Variants in KIAA1217 observed in about 807,000 individuals in gnomAD.
KIAA1217 encodes sickle tail protein homolog.
KIAA1217 carries 88 observed loss-of-function variants against 163.9 expected under a neutral mutation model. The ratio of observed to expected loss-of-function variants is 0.54; its 90% CI spans 0.45 to 0.64. The LOEUF is 0.64. Among genes scored for constraint, KIAA1217 ranks in the 30% least tolerant of loss-of-function variants. KIAA1217 has a pLI of 0.00. For missense variants in KIAA1217, 2,372 were observed against 2,475.0 expected (o/e 0.96, Z 0.88); for synonymous variants, 903 against 923.1 (o/e 0.98, Z 0.39).
At chr10:23,941,003 C>G (rs1843741915) in intron 1 of KIAA1217, among the ~76,000 whole-genome samples, 1 of 152,152 alleles carries the variant, frequency 6.6e-6, no homozygotes, top group African/African-American at 2.4e-5. Context: ...TTCCAAGTTT[C>G]TTGATAGAGC....
At chr10:24,273,601 A>C (rs1312285944) in intron 2 of KIAA1217, among the ~76,000 whole-genome samples, 2 of 152,046 alleles carry the variant, frequency 1.3e-5, no homozygotes, top group African/African-American at 4.8e-5. Context: ...CCTGTAATCC[A>C]AGCACTTTGG....
rs565675355 is a variant in KIAA1217, at chr10:24,138,833, C to T, written c.-170-80793C>T. ...TTTGTTTTGCTTTTTAACCATTTTA[C>T]AGTTTTATATCAAAGACTTCAGTGT... On this transcript the variant is annotated intron_variant, in intron 2 of 18. Transcript: ENST00000376462. 3.3e-5 allele frequency among the ~76,000 whole-genome samples: 5 copies of T among 152,262 alleles called. No individual in the cohort carries two copies. The South Asian group carries it at 1.0e-3, about 32-fold the overall frequency.
rs1243346131 is a variant in KIAA1217, at chr10:24,309,348, GCGCACACA to G, written c.355-71519_355-71512del. The stretch of plus-strand genomic sequence containing the variant: ...GACAAATAGGCGCGCGCACGCGCGC[GCGCACACA>G]CACACACACACACACACACACACGG... On this transcript the variant is annotated intron_variant, in intron 2 of 20. Coordinates refer to ENST00000376454, the MANE Select transcript of KIAA1217 (RefSeq NM_019590.5). Among the ~76,000 whole-genome samples the G allele has an allele frequency of 4.7e-4, 59 of 125,470 alleles. 1 individual carries two copies. The East Asian group carries it at 6.2e-3, about 13-fold the overall frequency. 82.3% of individuals were successfully genotyped at this position (125,470 alleles called of 152,430 possible). A position where few individuals can be genotyped will look rare whatever the true frequency, so the allele number is the denominator to read the frequency against.
intron 2 of KIAA1217, among the ~76,000 whole-genome samples, chr10:24,112,216 G>C (rs946583309): frequency 6.6e-6 from 1 of 152,154 alleles, no homozygotes; most frequent in Non-Finnish European, 1.5e-5. Context: ...ATCCTGAATA[G>C]TAGGGCATAT....
At chr10:24,304,385 T>C (rs1183215196) in intron 2 of KIAA1217, among the ~76,000 whole-genome samples, 2 of 152,204 alleles carry the variant, frequency 1.3e-5, no homozygotes, top group Admixed American at 1.3e-4. Context: ...AATGAGGCAG[T>C]GTCTCATTAT....
intron 2 of KIAA1217, among the ~76,000 whole-genome samples, chr10:24,262,031 A>C (rs964021461): frequency 6.6e-6 from 1 of 152,230 alleles, no homozygotes; most frequent in African/African-American, 2.4e-5. Flanking sequence ...TATCAGATCC[A>C]TATCACAGCT....
chr10:24,408,258 G>A (rs1355477589), intron 3 of KIAA1217, among the ~76,000 whole-genome samples: 36 of 152,116 alleles, frequency 2.4e-4, no homozygotes, highest in Admixed American at 2.4e-3. Context: ...TAAGTTGGGG[G>A]TATTTTTGTT....
chr10:24,369,948 T>C (rs541987281), intron 2 of KIAA1217, among the ~76,000 whole-genome samples: 5 of 152,336 alleles, frequency 3.3e-5, no homozygotes, highest in Admixed American at 2.6e-4. Flanking sequence ...TTAATTGTTG[T>C]ATTCAAGGCA....
At position 23,925,998 on chromosome 10, in the gene KIAA1217, G is replaced by A. The variant is rs113148389; in HGVS notation, c.-320-81227G>A. 5.4e-3 allele frequency among the ~76,000 whole-genome samples: 821 copies of A among 152,174 alleles called. 9 individuals carry two copies. Among genetic ancestry groups the A allele is most frequent in the African/African-American group, 0.019 (785 of 41,512 alleles). The stretch of plus-strand genomic sequence containing the variant: ...TTTCTCATACTGGATTTCAAAATGC[G>A]CATACTTACCCACACCCCATCACTG... On this transcript the variant is annotated intron_variant, in intron 1 of 18. Transcript: ENST00000376462.
intron 1 of KIAA1217, among the ~76,000 whole-genome samples, chr10:23,840,418 G>T (rs539702117): frequency 6.6e-6 from 1 of 152,126 alleles, no homozygotes; most frequent in Non-Finnish European, 1.5e-5. Flanking sequence ...GCCTCCTAAA[G>T]TGTTGGGATT....
chr10:23,905,063 C>CTTTTT (rs562938938), intron 1 of KIAA1217, among the ~76,000 whole-genome samples: 1 of 99,934 alleles, frequency 1.0e-5, no homozygotes, highest in Non-Finnish European at 2.0e-5. Context: ...TTCTCTTTTC[C>CTTTTT]TTTTTTTTTT....
intron 5 of KIAA1217, among the ~76,000 whole-genome samples, chr10:24,461,032 G>A (rs1465727675): frequency 2.0e-5 from 3 of 152,142 alleles, no homozygotes; most frequent in African/African-American, 7.2e-5. Context: ...GACAGACCAC[G>A]AATAAATGGC....
intron 1 of KIAA1217, among the ~76,000 whole-genome samples, chr10:23,955,007 G>GATAATA (rs943246922): frequency 6.6e-6 from 1 of 152,048 alleles, no homozygotes; most frequent in Non-Finnish European, 1.5e-5. Context: ...GTAAAAGGAA[G>GATAATA]ATAATAATAA....
intron 20 of KIAA1217, 132 bp downstream of exon 20, chr10:24,545,235 T>C: frequency 6.9e-7 from 1 of 1,459,276 alleles, no homozygotes; most frequent in Non-Finnish European, 9.1e-7. Flanking sequence ...TCTGGGGGCA[T>C]GAAGAAAGTC....
intron 3 of KIAA1217, among the ~76,000 whole-genome samples, chr10:24,388,332 G>T (rs1339371349): frequency 6.6e-6 from 1 of 152,178 alleles, no homozygotes; most frequent in Non-Finnish European, 1.5e-5. Context: ...TTAATAAATG[G>T]TGCCGGGAAA....
At chr10:23,743,885 G>A (rs566806187) in intron 1 of KIAA1217, among the ~76,000 whole-genome samples, 2 of 139,160 alleles carry the variant, frequency 1.4e-5, no homozygotes, top group African/African-American at 3.1e-5. Flanking sequence ...TTTGCGTGTT[G>A]TTTTAATTTT....
intron 1 of KIAA1217, among the ~76,000 whole-genome samples, chr10:23,926,065 A>C (rs1257247609): frequency 6.6e-6 from 1 of 152,132 alleles, no homozygotes; most frequent in African/African-American, 2.4e-5. Flanking sequence ...TGAGGCAGAG[A>C]CTGCACCTGG....
At chr10:24,083,502 T>G (rs2061601271) in intron 2 of KIAA1217, among the ~76,000 whole-genome samples, 1 of 152,244 alleles carries the variant, frequency 6.6e-6, no homozygotes, top group African/African-American at 2.4e-5. Flanking sequence ...CCTTGTGGCT[T>G]AAGGTTTAGG....
intron 2 of KIAA1217, among the ~76,000 whole-genome samples, chr10:24,324,842 G>A (rs1048286473): frequency 6.6e-6 from 1 of 152,084 alleles, no homozygotes. Context: ...TGATTTCTTG[G>A]ATAGGAGCCC....
Sources: gnomAD v4.1 joint callset for allele counts (sites outside exome capture counted in the v4.1 genomes callset) on GRCh38, gnomAD v4.1.1 for gene constraint, MANE v1.5 for transcripts, NCBI Gene and HGNC (gene_info 2026-07-23, HGNC 2026-07-21) for gene names.